The following GALNT13 variants were observed in gnomAD, a reference collection of about 807,000 sequenced individuals.
GALNT13 encodes the protein polypeptide N-acetylgalactosaminyltransferase 13.
A neutral mutation model predicts 64.2 loss-of-function variants in GALNT13; 28 were observed. The ratio of observed to expected loss-of-function variants is 0.44; its 90% CI spans 0.32 to 0.60. The LOEUF (loss-of-function observed/expected upper bound fraction) is 0.60. GALNT13 is among the 20% of genes least tolerant of loss of function. The pLI is 0.05. For synonymous variants in GALNT13, 214 were observed against 224.6 expected (o/e 0.95, Z 0.42); for missense variants, 577 against 669.8 (o/e 0.86, Z 1.53).
At chr2:154,269,938 G>A (rs1458235930) in intron 8 of GALNT13, among the ~76,000 whole-genome samples, 3 of 70,964 alleles carry the variant, frequency 4.2e-5, no homozygotes, top group African/African-American at 1.2e-4. Context: ...CTAAAGCACA[G>A]GGTGAGTAGG....
intron 3 of GALNT13, among the ~76,000 whole-genome samples, chr2:154,014,652 A>T (rs1480448083): frequency 9.6e-5 from 1 of 10,444 alleles, no homozygotes; most frequent in Non-Finnish European, 2.3e-4. Flanking sequence ...TTTTTTTTTG[A>T]GACGGAGTCT....
the GALNT13 span, among the ~76,000 whole-genome samples, chr2:153,849,617 G>C: frequency 6.6e-6 from 1 of 152,120 alleles, no homozygotes; most frequent in Non-Finnish European, 1.5e-5. Context: ...GATAACCTAG[G>C]TGTCTCCCTG....
the GALNT13 span, among the ~76,000 whole-genome samples, chr2:153,194,521 C>T: frequency 0.16 from 24,577 of 152,108 alleles, 2,117 homozygotes; most frequent in African/African-American, 0.18. Flanking sequence ...TTTTCTCTTG[C>T]ATCTGACTGC....
the GALNT13 span, among the ~76,000 whole-genome samples, chr2:153,613,285 G>A: frequency 0.012 from 1,765 of 152,244 alleles, 32 homozygotes; most frequent in African/African-American, 0.04. Context: ...AGAAGATTGC[G>A]AATTTGGCCT....
intron 11 of GALNT13, among the ~76,000 whole-genome samples, chr2:154,426,158 C>G (rs1403502434): frequency 6.6e-6 from 1 of 152,160 alleles, no homozygotes; most frequent in Non-Finnish European, 1.5e-5. Flanking sequence ...TCCCTGGTTC[C>G]TGGCAAAGTT....
chr2:154,207,584 T>G (rs1687534630), intron 4 of GALNT13, among the ~76,000 whole-genome samples: 1 of 152,186 alleles, frequency 6.6e-6, no homozygotes, highest in Admixed American at 6.5e-5. Context: ...TTAACATAAT[T>G]ATTGTAATTA....
chr2:153,504,422 T>G, the GALNT13 span, among the ~76,000 whole-genome samples: 1 of 152,190 alleles, frequency 6.6e-6, no homozygotes, highest in South Asian at 2.1e-4. Context: ...AGTACTATCT[T>G]GAATAGAAGC....
At chr2:153,548,837 C>T in the GALNT13 span, among the ~76,000 whole-genome samples, 3 of 152,150 alleles carry the variant, frequency 2.0e-5, no homozygotes, top group African/African-American at 4.8e-5. Context: ...ATGTTCATAA[C>T]AGCATGATTC....
At chr2:153,466,000 G>A in the GALNT13 span, among the ~76,000 whole-genome samples, 1 of 151,954 alleles carries the variant, frequency 6.6e-6, no homozygotes, top group African/African-American at 2.4e-5. Flanking sequence ...CACCTGCCCG[G>A]TGCCCGTTCT....
At chr2:153,234,260 T>C in the GALNT13 span, among the ~76,000 whole-genome samples, 1 of 152,134 alleles carries the variant, frequency 6.6e-6, no homozygotes, top group Non-Finnish European at 1.5e-5. Context: ...AGAACAGGCC[T>C]GAGTTAACAA....
the GALNT13 span, among the ~76,000 whole-genome samples, chr2:153,810,996 C>G: frequency 2.0e-5 from 3 of 152,036 alleles, no homozygotes; most frequent in African/African-American, 7.2e-5. Flanking sequence ...CTTTTTGAAC[C>G]CTAATTTCAT....
intron 9 of GALNT13, among the ~76,000 whole-genome samples, chr2:154,326,814 G>T (rs1694899654): frequency 6.6e-6 from 1 of 152,106 alleles, no homozygotes; most frequent in South Asian, 2.1e-4. Context: ...AATCATTTTT[G>T]AGAAGCATTG....
At chr2:153,838,676 A>G in the GALNT13 span, among the ~76,000 whole-genome samples, 1 of 151,942 alleles carries the variant, frequency 6.6e-6, no homozygotes, top group Non-Finnish European at 1.5e-5. Flanking sequence ...TTTATAAAAT[A>G]CTTTAAAATC....
intron 3 of GALNT13, among the ~76,000 whole-genome samples, chr2:154,076,510 T>C (rs1040545048): frequency 1.3e-5 from 2 of 151,740 alleles, no homozygotes; most frequent in African/African-American, 4.8e-5. Context: ...GCAGCTGGGA[T>C]GCAAGCCTGA....
the GALNT13 span, among the ~76,000 whole-genome samples, chr2:153,368,256 A>G: frequency 6.6e-6 from 1 of 152,130 alleles, no homozygotes; most frequent in Non-Finnish European, 1.5e-5. Flanking sequence ...AGATGAGGTC[A>G]TGAGTGAAAT....
the GALNT13 span, among the ~76,000 whole-genome samples, chr2:153,575,320 A>G: frequency 6.6e-6 from 1 of 152,200 alleles, no homozygotes; most frequent in Admixed American, 6.5e-5. Context: ...TTAGACCTAT[A>G]GCCAGCACAG....
the GALNT13 span, among the ~76,000 whole-genome samples, chr2:153,436,715 C>T: frequency 1.3e-5 from 2 of 152,022 alleles, no homozygotes; most frequent in Non-Finnish European, 2.9e-5. Context: ...TGATTCTTCT[C>T]TCTTTTCTTT....
chr2:153,861,937 A>G, the GALNT13 span, among the ~76,000 whole-genome samples: 1 of 152,134 alleles, frequency 6.6e-6, no homozygotes, highest in African/African-American at 2.4e-5. Context: ...AATTTTTAAA[A>G]TCTAGCTAAT....
the GALNT13 span, among the ~76,000 whole-genome samples, chr2:153,628,832 C>T: frequency 6.6e-6 from 1 of 152,034 alleles, no homozygotes; most frequent in African/African-American, 2.4e-5. Context: ...CTCTGCCTGG[C>T]TTTGGTATCA....
Sources: gnomAD v4.1 joint callset for allele counts (sites outside exome capture counted in the v4.1 genomes callset) on GRCh38, gnomAD v4.1.1 for gene constraint, MANE v1.5 for transcripts, NCBI Gene and HGNC (gene_info 2026-07-23, HGNC 2026-07-21) for gene names.